Variants in FHIT observed in about 807,000 individuals in gnomAD.
The protein encoded by FHIT is bis(5'-adenosyl)-triphosphatase.
Under a neutral mutation model 17.9 loss-of-function variants are expected in FHIT, and 19 were observed. That is an observed-to-expected ratio of 1.06 (90% CI 0.74 to 1.56). The LOEUF (loss-of-function observed/expected upper bound fraction) is 1.56, where lower values mean the gene tolerates loss of function less well. Among genes scored for constraint, FHIT ranks in the 40% most tolerant of loss-of-function variants. The pLI is 0.00. For missense variants in FHIT, 248 were observed against 189.2 expected (o/e 1.31, Z -1.82); for synonymous variants, 81 against 69.7 (o/e 1.16, Z -0.81).
chr3:60,689,643 T>C (rs2040941688), intron 4 of FHIT, among the ~76,000 whole-genome samples: 1 of 152,162 alleles, frequency 6.6e-6, no homozygotes, highest in South Asian at 2.1e-4. Flanking sequence ...TTGTTTCTAA[T>C]AGTGGCACCT....
At chr3:61,202,297 C>G (rs1453305234) in intron 1 of FHIT, among the ~76,000 whole-genome samples, 1 of 150,758 alleles carries the variant, frequency 6.6e-6, no homozygotes, top group Non-Finnish European at 1.5e-5. Context: ...GGCCGCTGCC[C>G]TGTCCGGGAA....
chr3:61,098,971 TGA>T (rs1207576375), intron 2 of FHIT, among the ~76,000 whole-genome samples: 1 of 152,198 alleles, frequency 6.6e-6, no homozygotes, highest in Non-Finnish European at 1.5e-5. Context: ...ATGGATGTGG[TGA>T]GAGAGGGCAT....
chr3:60,429,002 G>C (rs1363282341), intron 5 of FHIT, among the ~76,000 whole-genome samples: 1 of 152,068 alleles, frequency 6.6e-6, no homozygotes, highest in Non-Finnish European at 1.5e-5. Context: ...CTTTTACCTA[G>C]TGCAGCTGAA....
At chr3:60,245,701 A>G (rs775614554) in intron 5 of FHIT, among the ~76,000 whole-genome samples, 1 of 152,106 alleles carries the variant, frequency 6.6e-6, no homozygotes, top group African/African-American at 2.4e-5. Context: ...ATTCTAGTGG[A>G]ATTACACAAG....
At chr3:60,159,444 G>A (rs1354628963) in intron 5 of FHIT, among the ~76,000 whole-genome samples, 1 of 152,072 alleles carries the variant, frequency 6.6e-6, no homozygotes, top group Non-Finnish European at 1.5e-5. Context: ...TATATAGAAA[G>A]GGTAAGATTC....
At chr3:60,611,767 C>T (rs2038792737) in intron 4 of FHIT, among the ~76,000 whole-genome samples, 1 of 152,128 alleles carries the variant, frequency 6.6e-6, no homozygotes, top group Admixed American at 6.5e-5. Flanking sequence ...CAAAAGATGC[C>T]CTCGTAGGAG....
At chr3:60,587,309 C>T (rs909983365) in intron 4 of FHIT, among the ~76,000 whole-genome samples, 1 of 152,120 alleles carries the variant, frequency 6.6e-6, no homozygotes, top group Admixed American at 6.6e-5. Context: ...AATGAGAACA[C>T]ATGAACACTG....
intron 4 of FHIT, among the ~76,000 whole-genome samples, chr3:60,782,368 G>A (rs1553725922): frequency 6.6e-6 from 1 of 152,090 alleles, no homozygotes; most frequent in Non-Finnish European, 1.5e-5. Flanking sequence ...CACTACTGAT[G>A]GGAATGTAAA....
At chr3:60,399,628 G>A (rs1359088759) in intron 5 of FHIT, among the ~76,000 whole-genome samples, 1 of 152,072 alleles carries the variant, frequency 6.6e-6, no homozygotes, top group Non-Finnish European at 1.5e-5. Flanking sequence ...TCTTTCAGAG[G>A]ATAAATTACT....
At chr3:60,108,513 T>C (rs1390954798) in intron 5 of FHIT, among the ~76,000 whole-genome samples, 1 of 152,100 alleles carries the variant, frequency 6.6e-6, no homozygotes, top group Admixed American at 6.6e-5. Context: ...GTAAACTCTT[T>C]TGGATGGGAA....
At chr3:60,163,745 C>T (rs1472984583) in intron 5 of FHIT, among the ~76,000 whole-genome samples, 2 of 152,174 alleles carry the variant, frequency 1.3e-5, no homozygotes, top group African/African-American at 4.8e-5. Flanking sequence ...GAAAGTTTAG[C>T]AGCATTCACT....
At chr3:60,056,913 T>C (rs1055033884) in intron 5 of FHIT, among the ~76,000 whole-genome samples, 5 of 152,120 alleles carry the variant, frequency 3.3e-5, no homozygotes, top group African/African-American at 4.8e-5. Context: ...ACAGAACAGA[T>C]GGAGCGGTAA....
chr3:60,152,571 C>A (rs933627927), intron 5 of FHIT, among the ~76,000 whole-genome samples: 3 of 152,158 alleles, frequency 2.0e-5, no homozygotes, highest in Non-Finnish European at 2.9e-5. Flanking sequence ...GGCTGCCAGT[C>A]AAGGGGAGAT....
At chr3:60,329,352 T>C (rs984903046) in intron 5 of FHIT, among the ~76,000 whole-genome samples, 3 of 152,192 alleles carry the variant, frequency 2.0e-5, no homozygotes, top group African/African-American at 7.2e-5. Context: ...AAATACCGTG[T>C]TCCTCACTAG....
chr3:60,357,770 T>C (rs764100078), intron 5 of FHIT, among the ~76,000 whole-genome samples: 7 of 151,950 alleles, frequency 4.6e-5, no homozygotes, highest in Admixed American at 6.6e-5. Context: ...TTTAAAAGCA[T>C]TGATCTATGT....
At chr3:60,504,480 G>C (rs1190944725) in intron 5 of FHIT, among the ~76,000 whole-genome samples, 1 of 151,906 alleles carries the variant, frequency 6.6e-6, no homozygotes, top group Non-Finnish European at 1.5e-5. Flanking sequence ...TTAGTAAGTA[G>C]TTTAAAGTTA....
intron 3 of FHIT, among the ~76,000 whole-genome samples, chr3:60,886,157 T>G (rs749547556): frequency 6.6e-5 from 10 of 152,208 alleles, no homozygotes; most frequent in Non-Finnish European, 1.5e-4. Context: ...CTCAATTATC[T>G]GGGGTTTATT....
At chr3:60,379,983 T>C (rs1046176132) in intron 5 of FHIT, among the ~76,000 whole-genome samples, 3 of 152,190 alleles carry the variant, frequency 2.0e-5, no homozygotes, top group African/African-American at 4.8e-5. Context: ...TCAATAATAA[T>C]AGCTAAAATT....
chr3:60,283,562 T>C (rs1362773366), intron 5 of FHIT, among the ~76,000 whole-genome samples: 1 of 152,116 alleles, frequency 6.6e-6, no homozygotes, highest in African/African-American at 2.4e-5. Flanking sequence ...AAAAAAGAAT[T>C]GATCCACTAG....
Sources: gnomAD v4.1 joint callset for allele counts (sites outside exome capture counted in the v4.1 genomes callset) on GRCh38, gnomAD v4.1.1 for gene constraint, MANE v1.5 for transcripts, NCBI Gene and HGNC (gene_info 2026-07-23, HGNC 2026-07-21) for gene names.